Variants in ABCA13 observed in about 807,000 individuals in gnomAD.
ABCA13 encodes ATP binding cassette subfamily A member 13.
A neutral mutation model predicts 478.7 loss-of-function variants in ABCA13; 476 were observed. The observed-to-expected ratio is 0.99, with a 90% CI of 0.92 to 1.07. ABCA13 has a LOEUF of 1.07. Among genes scored for constraint, ABCA13 ranks in the 50% least tolerant of loss-of-function variants. The pLI is 0.00. For synonymous variants in ABCA13, 2,252 were observed against 2,158.9 expected (o/e 1.04, Z -1.20); for missense variants, 6,060 against 5,910.6 (o/e 1.03, Z -0.83).
rs200347857 is a variant in ABCA13 at position 48,350,804 on chromosome 7, A to G, written c.10366A>G (p.Asn3456Asp). 3 of 1,613,718 alleles carry G rather than the reference A, an allele frequency of 1.9e-6. No individual in the cohort carries two copies. The African/African-American group carries it at 4.0e-5, about 22-fold the overall frequency. ...TAAAGCACATGAACTCTTGCAGCAGAACAGCTTCTTGGCCAGTAAGTACTC... is the reference window on the plus strand; with the variant it reads ...TAAAGCACATGAACTCTTGCAGCAGGACAGCTTCTTGGCCAGTAAGTACTC... ...ETKAHELLQQNSFLASIIFSN... is the reference protein window; with the variant it reads ...ETKAHELLQQDSFLASIIFSN... Residue 3456 changes from asparagine (N) to aspartate (D), a missense_variant, in exon 30 of 62, where the codon AAC becomes GAC. This residue lies in a region of ABCA13 where 4,423 missense variants were observed against 4,309.1 expected (regional missense o/e 1.03). Transcript: ENST00000435803.
chr7:48,409,670 G>C (rs565642123), intron 39 of ABCA13, among the ~76,000 whole-genome samples: 1 of 152,248 alleles, frequency 6.6e-6, no homozygotes, highest in South Asian at 2.1e-4. Context: ...GGCCATTTCA[G>C]ACCTCTTTTT....
intron 48 of ABCA13, among the ~76,000 whole-genome samples, chr7:48,501,096 A>G (rs561000023): frequency 2.1e-3 from 322 of 152,280 alleles, no homozygotes; most frequent in Non-Finnish European, 3.4e-3. Context: ...CAAAGTCAGA[A>G]CATTCTTTAA....
Position 48,174,669 on chromosome 7 carries a change from A to C in ABCA13, c.69+3117A>C, listed in dbSNP as rs570759336. 3.3e-5 allele frequency among the ~76,000 whole-genome samples: 5 copies of C among 152,272 alleles called. No individual in the cohort carries two copies. The East Asian group carries it at 9.6e-4, about 29-fold the overall frequency. On this transcript the variant is annotated intron_variant, in intron 1 of 61. Coordinates refer to ENST00000435803, the MANE Select transcript of ABCA13 (RefSeq NM_152701.5). The stretch of plus-strand genomic sequence containing the variant: ...AAAACAGTACTAAAACAAAAGATAA[A>C]CATTTTAAAGTCATCTAAAATTTTA...
At chr7:48,443,202 T>C (rs982222882) in intron 42 of ABCA13, among the ~76,000 whole-genome samples, 2 of 152,180 alleles carry the variant, frequency 1.3e-5, no homozygotes, top group African/African-American at 4.8e-5. Context: ...AATGATTGTC[T>C]GTTGTTTCAG....
At chr7:48,501,875 A>G (rs1316821) in intron 48 of ABCA13, among the ~76,000 whole-genome samples, 20,857 of 152,044 alleles carry the variant, frequency 0.14, 1,828 homozygotes, top group African/African-American at 0.23. Context: ...TGATTTGATG[A>G]GAGAGACACA....
rs772919140 is a variant in ABCA13 at position 48,427,765 on chromosome 7, G to A, written c.12460-1G>A. On this transcript the variant is annotated splice_acceptor_variant, in intron 41 of 61. Transcript: ENST00000435803. LOFTEE classifies it high-confidence loss of function. Reference sequence around the variant, plus strand: ...ACATGGCGTTTTTTTTTCTCCGAAAGGTGTTTTTGATGCTTTTGCAAGATT... The same window carrying A: ...ACATGGCGTTTTTTTTTCTCCGAAAAGTGTTTTTGATGCTTTTGCAAGATT... 3.1e-6 allele frequency: 5 copies of A among 1,601,618 alleles called. No individual in the cohort carries two copies. The highest frequency in any genetic ancestry group is 1.7e-5 in the Admixed American group (1 of 59,688).
chr7:48,313,803 G>T (rs372975961), intron 25 of ABCA13, among the ~76,000 whole-genome samples: 1 of 152,166 alleles, frequency 6.6e-6, no homozygotes, highest in Non-Finnish European at 1.5e-5. Context: ...TCTCAGAACT[G>T]CCTTGGAGAC....
rs531947713 is a variant in ABCA13 at position 48,435,128 on chromosome 7, A to G, written c.12565+7257A>G. On this transcript the variant is annotated intron_variant, in intron 42 of 61. Coordinates refer to ENST00000435803, the MANE Select transcript of ABCA13 (RefSeq NM_152701.5). ...TATCTCAAAAATATTAAGTTTTCCA[A>G]TCCATGAACATAGACTATCCTTCCA... Among the ~76,000 whole-genome samples the G allele has an allele frequency of 9.6e-4, 146 of 151,948 alleles. 1 individual carries two copies. The highest frequency in any genetic ancestry group is 1.6e-3 in the Non-Finnish European group (107 of 67,794).
chr7:48,329,005 A>C (rs972590904), intron 27 of ABCA13, among the ~76,000 whole-genome samples: 1 of 152,210 alleles, frequency 6.6e-6, no homozygotes, highest in South Asian at 2.1e-4. Context: ...CTATTCGCAC[A>C]TGCAAACAAG....
Position 48,276,575 on chromosome 7 carries a change from C to A in ABCA13, c.6899+10C>A, listed in dbSNP as rs755213429. ...TTATTGCAGAGATGAGGTGAGTATA[C>A]TTTTGCTTTGTGTCATATATGCAGT... On this transcript the variant is annotated intron_variant, in intron 17 of 61. Coordinates refer to ENST00000435803, the MANE Select transcript of ABCA13 (RefSeq NM_152701.5). 5 of 1,607,598 alleles carry A rather than the reference C, an allele frequency of 3.1e-6. No homozygotes were observed. Among genetic ancestry groups the A allele is most frequent in the Non-Finnish European group, 4.2e-6 (5 of 1,177,088 alleles).
chr7:48,346,261 C>T (rs1808086158), intron 29 of ABCA13, among the ~76,000 whole-genome samples: 1 of 152,122 alleles, frequency 6.6e-6, no homozygotes, highest in African/African-American at 2.4e-5. Context: ...AGCTTAAAGC[C>T]TTCTCCAAAG....
At chr7:48,626,100 T>C (rs921004593) in intron 59 of ABCA13, among the ~76,000 whole-genome samples, 1 of 152,194 alleles carries the variant, frequency 6.6e-6, no homozygotes, top group African/African-American at 2.4e-5. Context: ...CAAACATTAC[T>C]GAATGTTTAC....
At chr7:48,330,365 CCATCCATCCATCCATT>C (rs1207675804) in intron 27 of ABCA13, among the ~76,000 whole-genome samples, 1 of 150,976 alleles carries the variant, frequency 6.6e-6, no homozygotes, top group East Asian at 2.0e-4. Context: ...ATCCATCCAC[CCATCCATCCATCCATT>C]CATCCATCCA....
At chr7:48,214,981 C>T (rs763149855) in intron 3 of ABCA13, among the ~76,000 whole-genome samples, 6 of 152,148 alleles carry the variant, frequency 3.9e-5, no homozygotes, top group Non-Finnish European at 8.8e-5. Flanking sequence ...TTCAGCCCAT[C>T]TCAGCTTTTA....
chr7:48,269,503 A>G (rs1161443729), intron 16 of ABCA13, among the ~76,000 whole-genome samples: 1 of 152,184 alleles, frequency 6.6e-6, no homozygotes, highest in Non-Finnish European at 1.5e-5. Flanking sequence ...TTGGAACTAA[A>G]TTTGTCGGAC....
intron 45 of ABCA13, among the ~76,000 whole-genome samples, chr7:48,475,784 A>G (rs1293173985): frequency 6.6e-6 from 1 of 152,070 alleles, no homozygotes; most frequent in African/African-American, 2.4e-5. Flanking sequence ...TGTTTTATCA[A>G]ATATGCTGTG....
rs1322992410 is a variant in ABCA13 at position 48,288,038 on chromosome 7, C to G, written c.8915C>G (p.Ser2972Cys). ...AATGGGATAAGGCATCTCATTTTAT[C>G]TGCTATACAAGGGGTCACTTTGGCG... The part of the protein sequence containing the change: ...KQNGIRHLIL[S>C]AIQGVTLAQD... Residue 2972 changes from serine to cysteine, a missense_variant, in exon 20 of 62, where the codon TCT becomes TGT. By Grantham distance (112) the Ser-to-Cys change is moderately radical (BLOSUM62 -1). This residue lies in a region of ABCA13 where 4,423 missense variants were observed against 4,309.1 expected (regional missense o/e 1.03). Coordinates refer to ENST00000435803, the MANE Select transcript of ABCA13 (RefSeq NM_152701.5). 6.2e-7 allele frequency: 1 copy of G among 1,614,000 alleles called. No individual in the cohort carries two copies. Among genetic ancestry groups the G allele is most frequent in the East Asian group, 2.2e-5 (1 of 44,888 alleles).
At chr7:48,316,403 T>C (rs1037050271) in intron 26 of ABCA13, among the ~76,000 whole-genome samples, 2 of 152,256 alleles carry the variant, frequency 1.3e-5, no homozygotes, top group Non-Finnish European at 2.9e-5. Flanking sequence ...ATTGTCATTT[T>C]CATTTTCAAG....
intron 55 of ABCA13, among the ~76,000 whole-genome samples, chr7:48,564,473 A>T (rs1786818863): frequency 6.6e-6 from 1 of 151,814 alleles, no homozygotes; most frequent in Admixed American, 6.6e-5. Flanking sequence ...TTTGACACAT[A>T]ATATGGTAAA....
Sources: gnomAD v4.1 joint callset for allele counts (sites outside exome capture counted in the v4.1 genomes callset) on GRCh38, gnomAD v4.1.1 for gene constraint, gnomAD v4.1.1 regional missense constraint, MANE v1.5 for transcripts, NCBI Gene and HGNC (gene_info 2026-07-23, HGNC 2026-07-21) for gene names.